ERBB4: variants seen among roughly 807,000 people sequenced by gnomAD.
ERBB4 encodes the protein erb-b2 receptor tyrosine kinase 4.
In ERBB4, 42 loss-of-function variants were observed where a neutral mutation model predicts 158.0. The observed-to-expected ratio is 0.27, with a 90% CI of 0.21 to 0.34. ERBB4 has a LOEUF of 0.34. Ranked by LOEUF, ERBB4 falls within the 10% of genes least tolerant of loss-of-function variation. The pLI is 1.00. For synonymous variants in ERBB4, 583 were observed against 558.7 expected (o/e 1.04, Z -0.61); for missense variants, 1,333 against 1,624.1 (o/e 0.82, Z 3.08).
At chr2:212,027,878 G>A (rs2076811410) in intron 2 of ERBB4, among the ~76,000 whole-genome samples, 1 of 151,948 alleles carries the variant, frequency 6.6e-6, no homozygotes, top group South Asian at 2.1e-4. Flanking sequence ...TGCGGATTGA[G>A]CAAAAACTTC....
chr2:212,204,449 G>A (rs948859854), intron 1 of ERBB4, among the ~76,000 whole-genome samples: 21 of 152,196 alleles, frequency 1.4e-4, no homozygotes, highest in African/African-American at 5.1e-4. Context: ...TGTAATCCCA[G>A]CACTTCAGGA....
intron 1 of ERBB4, among the ~76,000 whole-genome samples, chr2:212,226,423 G>T (rs1230176725): frequency 6.8e-6 from 1 of 146,368 alleles, no homozygotes; most frequent in African/African-American, 2.5e-5. Context: ...GGGGGGGTTT[G>T]ACCCATTAAA....
At chr2:211,574,502 G>A (rs952322053) in intron 19 of ERBB4, among the ~76,000 whole-genome samples, 1 of 152,136 alleles carries the variant, frequency 6.6e-6, no homozygotes, top group Non-Finnish European at 1.5e-5. Flanking sequence ...TTTAGGCATA[G>A]GCAGTTTACA....
intron 2 of ERBB4, among the ~76,000 whole-genome samples, chr2:212,023,185 C>T (rs745535856): frequency 3.9e-5 from 6 of 152,100 alleles, no homozygotes; most frequent in Non-Finnish European, 1.5e-5. Context: ...ACAACTCAAG[C>T]TTTTATGCTT....
chr2:211,561,793 CTTTAT>C lies in ERBB4; in HGVS notation c.2487+105_2487+109del, dbSNP rs2067400793. ...TGTATCTTTCATTGCAGCAAATATA[CTTTAT>C]TTTATTTAAATGGGAAGACAACATA... is the stretch of plus-strand genomic sequence containing the variant. On this transcript the variant is annotated intron_variant, in intron 20 of 27. Coordinates refer to ENST00000342788, the MANE Select transcript of ERBB4 (RefSeq NM_005235.3). 10 of 997,178 alleles carry C rather than the reference CTTTAT, an allele frequency of 1.0e-5. No homozygotes were observed. The East Asian group carries it at 1.7e-4, about 17-fold the overall frequency. 61.8% of individuals were successfully genotyped at this position (997,178 alleles called of 1,614,324 possible). A position where few individuals can be genotyped will look rare whatever the true frequency, so the allele number is the denominator to read the frequency against.
intron 4 of ERBB4, among the ~76,000 whole-genome samples, chr2:211,752,535 G>A (rs2075164502): frequency 1.5e-5 from 2 of 129,208 alleles, no homozygotes; most frequent in Admixed American, 8.1e-5. Flanking sequence ...AAATAGAAGA[G>A]AAGAAAAGAA....
rs778946188 is a variant in ERBB4, at chr2:212,369,182, T to A, written c.82+169267A>T. Among the ~76,000 whole-genome samples the A allele has an allele frequency of 1.2e-4, 19 of 152,148 alleles. 1 individual carries two copies. The highest frequency in any genetic ancestry group is 2.1e-4 in the Non-Finnish European group (14 of 68,016). The stretch of plus-strand genomic sequence containing the variant: ...CAAAATTAAAAGGAGGAAAAGTTCA[T>A]AAAAAGAGATTAATTTATTGATAAA... On this transcript the variant is annotated intron_variant, in intron 1 of 27. Coordinates refer to ENST00000342788, the MANE Select transcript of ERBB4 (RefSeq NM_005235.3).
intron 1 of ERBB4, among the ~76,000 whole-genome samples, chr2:212,236,649 T>A (rs2083887692): frequency 2.6e-5 from 4 of 152,324 alleles, no homozygotes; most frequent in Middle Eastern, 3.4e-3. Flanking sequence ...TCAGAACTTG[T>A]TATCAGTCTA....
chr2:212,465,751 G>C (rs1035583972), intron 1 of ERBB4, among the ~76,000 whole-genome samples: 1 of 152,092 alleles, frequency 6.6e-6, no homozygotes, highest in Non-Finnish European at 1.5e-5. Flanking sequence ...ACCTAAAGTA[G>C]TCATCCCCTG....
At chr2:212,142,719 G>A (rs2080526071) in intron 1 of ERBB4, among the ~76,000 whole-genome samples, 2 of 151,326 alleles carry the variant, frequency 1.3e-5, no homozygotes, top group African/African-American at 4.8e-5. Flanking sequence ...GAAATGGAAT[G>A]AGACTCTTCA....
chr2:212,258,885 C>G (rs1211709512), intron 1 of ERBB4, among the ~76,000 whole-genome samples: 3 of 151,890 alleles, frequency 2.0e-5, no homozygotes, highest in African/African-American at 7.2e-5. Flanking sequence ...TCCTGTGTCT[C>G]AAACAATGAT....
rs1023927781 is a variant in ERBB4 at position 211,376,474 on chromosome 2, A to C, written c.*7141T>G. 4.3e-6 allele frequency: 1 copy of C among 232,698 alleles called. No individual in the cohort carries two copies. The highest frequency in any genetic ancestry group is 2.2e-5 in the African/African-American group (1 of 45,294). The allele number at this position is 232,698 out of a possible 1,614,324, so 14.4% of individuals were successfully genotyped here. ...ATTTCAAAAAGGCAGCTAACTTTGA[A>C]TGCAGGGATTTAAATAAAACATTGA... On this transcript the variant is annotated 3_prime_UTR_variant, in exon 28 of 28. Transcript: ENST00000342788.
chr2:211,881,539 T>C (rs2078661703), intron 3 of ERBB4, among the ~76,000 whole-genome samples: 2 of 121,436 alleles, frequency 1.6e-5, no homozygotes, highest in Non-Finnish European at 1.6e-5. Flanking sequence ...AAGAAAGAAA[T>C]GGGCAACATG....
At chr2:212,071,976 T>C (rs557512582) in intron 2 of ERBB4, among the ~76,000 whole-genome samples, 4 of 152,106 alleles carry the variant, frequency 2.6e-5, no homozygotes, top group African/African-American at 9.6e-5. Context: ...TATGTATTGG[T>C]ATTTGAATTG....
At chr2:212,069,893 G>A (rs1472779747) in intron 2 of ERBB4, among the ~76,000 whole-genome samples, 1 of 151,890 alleles carries the variant, frequency 6.6e-6, no homozygotes, top group Admixed American at 6.6e-5. Context: ...TGAGGTGAGA[G>A]GATCACTTGA....
intron 2 of ERBB4, among the ~76,000 whole-genome samples, chr2:212,066,497 A>G (rs563803407): frequency 3.3e-5 from 5 of 152,124 alleles, no homozygotes; most frequent in Admixed American, 1.3e-4. Flanking sequence ...AAAGTAAGAA[A>G]TGATGTTTGA....
chr2:212,023,699 T>C (rs2076709119), intron 2 of ERBB4, among the ~76,000 whole-genome samples: 1 of 151,832 alleles, frequency 6.6e-6, no homozygotes, highest in African/African-American at 2.4e-5. Flanking sequence ...AAATTTCTGC[T>C]AATTCAACTT....
chr2:211,532,142 G>A lies in ERBB4; in HGVS notation c.2487+29761C>T, dbSNP rs1316001193. On this transcript the variant is annotated intron_variant, in intron 20 of 27. Coordinates refer to ENST00000342788, the MANE Select transcript of ERBB4 (RefSeq NM_005235.3). Reference sequence around the variant, plus strand: ...TAGAAGAATTGTCACCAGAGTCTGGGAAGGGTTGTGGGGGGGGAAAGTAGG... The same window carrying A: ...TAGAAGAATTGTCACCAGAGTCTGGAAAGGGTTGTGGGGGGGGAAAGTAGG... Among the ~76,000 whole-genome samples the A allele has an allele frequency of 3.1e-5, 4 of 130,522 alleles. No homozygotes were observed. The East Asian group carries it at 1.3e-3, about 44-fold the overall frequency. The allele number at this position is 130,522 out of a possible 152,430, so 85.6% of individuals were successfully genotyped here.
chr2:211,782,302 G>C (rs1008230250), intron 4 of ERBB4, among the ~76,000 whole-genome samples: 6 of 152,156 alleles, frequency 3.9e-5, no homozygotes, highest in Non-Finnish European at 7.3e-5. Flanking sequence ...AGAAACATGA[G>C]ACTGTGAAGT....
Sources: allele counts gnomAD v4.1 joint callset (sites outside exome capture counted in the v4.1 genomes callset), GRCh38; gene constraint gnomAD v4.1.1; transcripts MANE v1.5; gene names NCBI Gene and HGNC (gene_info 2026-07-23, HGNC 2026-07-21).